The following TRMT1 variants were observed in gnomAD, a reference collection of about 807,000 sequenced individuals.
The protein encoded by TRMT1 is tRNA (guanine(26)-N(2))-dimethyltransferase.
A neutral mutation model predicts 75.4 loss-of-function variants in TRMT1; 63 were observed. The ratio of observed to expected loss-of-function variants is 0.84; its 90% CI spans 0.68 to 1.03. TRMT1 has a LOEUF of 1.03. TRMT1 is among the 50% of genes least tolerant of loss of function. TRMT1 has a pLI of 0.00. For synonymous variants in TRMT1, 382 were observed against 358.1 expected, an observed-to-expected ratio of 1.07 and a Z score of -0.75; for missense variants, 870 against 905.3, an observed-to-expected ratio of 0.96 and a Z score of 0.50.
rs569524945 is a variant in TRMT1 at position 13,113,055 on chromosome 19, A to C, written c.642-44T>G. ...AGGTCCTCAGCCTCCCACGCCAGGT[A>C]CCTTCTCTGTCCCCTACACATATTA... On this transcript the variant is annotated intron_variant, in intron 5 of 16. Coordinates refer to ENST00000357720, the MANE Select transcript of TRMT1 (RefSeq NM_001136035.4). 2.7e-5 allele frequency: 41 copies of C among 1,492,550 alleles called. No homozygotes were observed. The Admixed American group carries it at 4.9e-4, about 18-fold the overall frequency. The allele number at this position is 1,492,550 out of a possible 1,614,324, so 92.5% of individuals were successfully genotyped here.
rs2019362145 is a variant in TRMT1, at chr19:13,116,376, T to C, written c.24A>G (p.Leu8=). The C allele has an allele frequency of 1.2e-6, 2 of 1,608,686 alleles. No homozygotes were observed. Among genetic ancestry groups the C allele is most frequent in the Non-Finnish European group, 1.7e-6 (2 of 1,178,964 alleles). The change falls in exon 2 of 17, where the codon CTA becomes CTG. Residue 8 remains leucine (L), a synonymous_variant. Transcript: ENST00000357720. Reference sequence around the variant, plus strand: ...CCCGGGCGGAGCGGAAAGTGAGGCTTAGCCACAGAGACGATCCTTGCATGA... The same window carrying C: ...CCCGGGCGGAGCGGAAAGTGAGGCTCAGCCACAGAGACGATCCTTGCATGA... MQGSSLW[L]SLTFRSARVL...
rs868289171 is a variant in TRMT1, at chr19:13,115,688, CTT to C, written c.389_390del (p.Lys130ArgfsTer3). 47 of 1,614,104 alleles carry C rather than the reference CTT, an allele frequency of 2.9e-5. No individual in the cohort carries two copies. Among genetic ancestry groups the C allele is most frequent in the Non-Finnish European group, 3.8e-5 (45 of 1,180,024 alleles). On this transcript the variant is annotated frameshift_variant, in exon 4 of 17. Transcript: ENST00000357720. LOFTEE classifies it high-confidence loss of function. The stretch of plus-strand genomic sequence containing the variant: ...TCTCCTGAGGCCAGGTTTTCACTCT[CTT>C]TCAGTTCAACCTTTTCCTCCTCTTG... The part of the protein sequence containing the change: ...SEQEEEKVEL[K>X]ESENLASGDQ...
At chr19:13,114,022 C>T (rs1444710355) in intron 5 of TRMT1, among the ~76,000 whole-genome samples, 4 of 152,206 alleles carry the variant, frequency 2.6e-5, no homozygotes, top group Non-Finnish European at 5.9e-5. Context: ...TGATTACAGG[C>T]ATGAGTCACC....
chr19:13,116,046 A>G lies in TRMT1; in HGVS notation c.261T>C (p.Ala87=). 1 of 1,614,056 alleles carries G rather than the reference A, an allele frequency of 6.2e-7. No homozygotes were observed. Among genetic ancestry groups the G allele is most frequent in the Non-Finnish European group, 8.5e-7 (1 of 1,180,008 alleles). The change falls in exon 3 of 17, where the codon GCT becomes GCC. Residue 87 remains alanine, a synonymous_variant. Transcript: ENST00000357720. ...VQEFNRDLTC[A]VITEFARIQL... is the part of the protein sequence containing the mutation. ...GAATGCGAGCAAACTCGGTGATCAC[A>G]GCACATCTGGTGGGAGACAGAGGAC...
At chr19:13,105,190 TCCC>T in intron 16 of TRMT1, 74 bp downstream of exon 16, 1 of 1,560,236 alleles carries the variant, frequency 6.4e-7, no homozygotes, top group Non-Finnish European at 8.7e-7. Flanking sequence ...TGGCCCCAGC[TCCC>T]CCAATTCTCT....
chr19:13,104,997 G>C lies in TRMT1; in HGVS notation c.1918C>G (p.Pro640Ala), dbSNP rs2018783489. 4 of 1,613,800 alleles carry C rather than the reference G, an allele frequency of 2.5e-6. No individual in the cohort carries two copies. Among genetic ancestry groups the C allele is most frequent in the Non-Finnish European group, 3.4e-6 (4 of 1,179,952 alleles). ...RVSADAAPDC[P>A]ETSNQTPPGP... ...GGGGGGGTCTGGTTGGAGGTCTCTG[G>C]ACAGTCAGGGGCAGCATCAGCAGAA... Residue 640 changes from proline to alanine, a missense_variant, in exon 17 of 17, where the codon CCA (proline) becomes GCA (alanine). By Grantham distance (27) the Pro-to-Ala change is conservative. Transcript: ENST00000357720.
At chr19:13,109,528 C>A in intron 11 of TRMT1, 22 bp downstream of exon 11, 1 of 1,613,972 alleles carries the variant, frequency 6.2e-7, no homozygotes, top group South Asian at 1.1e-5. Context: ...AGCCCCCTTC[C>A]CCGTCACAGC....
chr19:13,107,531 T>C (rs371960120), intron 14 of TRMT1, 43 bp downstream of exon 14: 3 of 1,564,992 alleles, frequency 1.9e-6, no homozygotes, highest in Non-Finnish European at 2.6e-6. Context: ...TGCTTCCATG[T>C]CTGTGGGCAG....
In TRMT1 at chr19:13,105,399, G is replaced by A. The variant is rs906769076; in HGVS notation, c.1704-3C>T. ...TAGCTTCGTCGGCCGCCTTGCCCCT[G>A]TGCGAGGGGAGGAGTAGGTGGGACC... On this transcript the variant is annotated splice_region_variant and splice_polypyrimidine_tract_variant and intron_variant, in intron 15 of 16. Coordinates refer to ENST00000357720, the MANE Select transcript of TRMT1 (RefSeq NM_001136035.4). The A allele has an allele frequency of 1.2e-6, 2 of 1,613,584 alleles. No homozygotes were observed. The highest frequency in any genetic ancestry group is 4.5e-5 in the East Asian group (2 of 44,882).
In TRMT1 at chr19:13,109,813, G is replaced by T. The variant is rs868472319; in HGVS notation, c.1132C>A (p.Pro378Thr). 2.5e-6 allele frequency: 4 copies of T among 1,614,024 alleles called. No homozygotes were observed. Among genetic ancestry groups the T allele is most frequent in the African/African-American group, 1.3e-5 (1 of 74,908 alleles). ...TGTTCACACTCGGGGGTCACAGGGG[G>T]ACCACAGGCTGCAGAGAACTTGGCC... ...GRAKFSAACG[P>T]PVTPECEHCG... is the part of the protein sequence containing the mutation. The change falls in exon 10 of 17, where the codon CCC (proline) becomes ACC (threonine). Residue 378 changes from proline (P) to threonine (T), a missense_variant. By Grantham distance (38) the Pro-to-Thr change is conservative. Coordinates refer to ENST00000357720, the MANE Select transcript of TRMT1 (RefSeq NM_001136035.4).
At chr19:13,115,142 C>T (rs1294378863) in intron 5 of TRMT1, 137 bp downstream of exon 5, 13 of 917,230 alleles carry the variant, frequency 1.4e-5, no homozygotes, top group Non-Finnish European at 1.6e-5. Context: ...CTAATTTTCT[C>T]AGTTGACAGA....
rs1284083303 is a variant in TRMT1 at position 13,105,488 on chromosome 19, C to G, written c.1702G>C (p.Gly568Arg). 13 of 1,613,954 alleles carry G rather than the reference C, an allele frequency of 8.1e-6. No homozygotes were observed. The highest frequency in any genetic ancestry group is 1.1e-5 in the Non-Finnish European group (13 of 1,180,048). Residue 568 changes from glycine (G) to arginine (R), a missense_variant and splice_region_variant, in exon 15 of 17, where the codon GGG (glycine) becomes CGG (arginine). By Grantham distance (125) the Gly-to-Arg change is moderately radical. Coordinates refer to ENST00000357720, the MANE Select transcript of TRMT1 (RefSeq NM_001136035.4). Reference sequence around the variant, plus strand: ...CACCCCCACCTTACCACCACTCACCCTGGCCGGGCACGAGGCCGGGGACCC... The same window carrying G: ...CACCCCCACCTTACCACCACTCACCGTGGCCGGGCACGAGGCCGGGGACCC... The part of the protein sequence containing the change: ...NWGPRPRARP[G>R]GKAADEAMEE...
intron 12 of TRMT1, among the ~76,000 whole-genome samples, chr19:13,108,576 A>G (rs1487703729): frequency 1.3e-5 from 2 of 151,658 alleles, no homozygotes; most frequent in Non-Finnish European, 2.9e-5. Context: ...TACAGGCATG[A>G]GCCACCACAC....
rs1423441658 is a variant in TRMT1, at chr19:13,105,061, G to A, written c.1854C>T (p.Asp618=). 1 of 1,596,272 alleles carries A rather than the reference G, an allele frequency of 6.3e-7. No homozygotes were observed. Among genetic ancestry groups the A allele is most frequent in the Non-Finnish European group, 8.5e-7 (1 of 1,170,092 alleles). The change falls in exon 17 of 17, where the codon GAC becomes GAT. Residue 618 remains aspartate, a synonymous_variant. Transcript: ENST00000357720. ...RFKEGTCQRG[D]QCCYSHSPPT... ...GGGGGCTGTGGGAGTAGCAGCACTG[G>A]TCCCCGCGTTGACAGGTGCCCTGGT... is the stretch of plus-strand genomic sequence containing the variant.
intron 7 of TRMT1, among the ~76,000 whole-genome samples, chr19:13,111,056 T>G (rs1055116490): frequency 6.6e-6 from 1 of 152,200 alleles, no homozygotes; most frequent in Admixed American, 6.5e-5. Context: ...CAGGACCCTT[T>G]AGGAACAAGG....
Position 13,107,445 on chromosome 19 carries a change from A to G in TRMT1, c.1583+129T>C, listed in dbSNP as rs1599928957. ...GTGAGCCACCTACCCAGCCCCAGTC[A>G]GCAGATTTTGAATCTCACTTGAAGA... On this transcript the variant is annotated intron_variant, in intron 14 of 16. Transcript: ENST00000357720. 5 of 1,161,852 alleles carry G rather than the reference A, an allele frequency of 4.3e-6. No homozygotes were observed. In the East Asian group the frequency reaches 1.3e-4, roughly 30 times the overall value. 72.0% of individuals were successfully genotyped at this position (1,161,852 alleles called of 1,614,324 possible). A position where few individuals can be genotyped will look rare whatever the true frequency, so the allele number is the denominator to read the frequency against.
rs2018806103 is a variant in TRMT1, at chr19:13,105,324, T to C, written c.1776A>G (p.Glu592=). ...LLQNKRKEPP[E]DVAQRAARLK... is the part of the protein sequence containing the mutation. ...GCCGGGCAGCCCGCTGGGCCACATC[T>C]TCCGGCGGCTCCTTCCGCTTGTTCT... is the stretch of plus-strand genomic sequence containing the variant. The change falls in exon 16 of 17, where the codon GAA becomes GAG. Residue 592 remains glutamate (E), a synonymous_variant. Transcript: ENST00000357720. The C allele has an allele frequency of 6.2e-7, 1 of 1,613,924 alleles. No homozygotes were observed. The highest frequency in any genetic ancestry group is 8.5e-7 in the Non-Finnish European group (1 of 1,180,038).
In TRMT1 at chr19:13,107,814, G is replaced by A; in HGVS notation, c.1443C>T (p.Ala481=). The A allele has an allele frequency of 6.4e-7, 1 of 1,552,096 alleles. No homozygotes were observed. The highest frequency in any genetic ancestry group is 8.7e-7 in the Non-Finnish European group (1 of 1,147,208). The change falls in exon 13 of 17, where the codon GCC becomes GCT. Residue 481 remains alanine, a synonymous_variant. Transcript: ENST00000357720. ...CATCCGTCTTCACAGCGTTCTTACA[G>A]GCGTGGGAGAGTGAGACCCGGAAGT... ...HADFRVSLSH[A]CKNAVKTDAP... is the part of the protein sequence containing the mutation.
chr19:13,106,023 C>T (rs1023991913), intron 14 of TRMT1, among the ~76,000 whole-genome samples: 1 of 151,616 alleles, frequency 6.6e-6, no homozygotes, highest in Non-Finnish European at 1.5e-5. Context: ...AATCGCACCA[C>T]TGCACTCCAG....
Sources: gnomAD v4.1 joint callset for allele counts (sites outside exome capture counted in the v4.1 genomes callset) on GRCh38, gnomAD v4.1.1 for gene constraint, MANE v1.5 for transcripts, NCBI Gene and HGNC (gene_info 2026-07-23, HGNC 2026-07-21) for gene names.